Variants in CC2D1A observed in about 807,000 individuals in gnomAD.
CC2D1A encodes the protein coiled-coil and C2 domain containing 1A.
A neutral mutation model predicts 123.8 loss-of-function variants in CC2D1A; 68 were observed. The ratio of observed to expected loss-of-function variants is 0.55; its 90% CI spans 0.45 to 0.67. The LOEUF is 0.67. Among genes scored for constraint, CC2D1A ranks in the 30% least tolerant of loss-of-function variants. The pLI is 0.00. For missense variants in CC2D1A, 1,185 were observed against 1,290.3 expected (o/e 0.92, Z 1.25); for synonymous variants, 477 against 528.0 (o/e 0.90, Z 1.32).
In CC2D1A at chr19:13,918,115, G is replaced by A. The variant is rs773656208; in HGVS notation, c.794G>A (p.Arg265His). Residue 265 changes from arginine (R) to histidine (H), a missense_variant, in exon 7 of 29, where the codon CGC (arginine) becomes CAC (histidine). Coordinates refer to ENST00000318003, the MANE Select transcript of CC2D1A (RefSeq NM_017721.5). The stretch of plus-strand genomic sequence containing the variant: ...CTGGCCCAGTTGCAGAGCCGCCAGC[G>A]CGACTACAAGCTGGCTGCCCTCCAC... ...GPLAQLQSRQ[R>H]DYKLAALHAK... 3.2e-5 allele frequency: 51 copies of A among 1,612,254 alleles called. No homozygotes were observed. The highest frequency in any genetic ancestry group is 1.6e-4 in the East Asian group (7 of 44,870).
rs918671461 is a variant in CC2D1A, at chr19:13,906,960, C to T, written c.60+459C>T. Among the ~76,000 whole-genome samples the T allele has an allele frequency of 2.0e-5, 3 of 152,136 alleles. No individual in the cohort carries two copies. The highest frequency in any genetic ancestry group is 7.2e-5 in the African/African-American group (3 of 41,442). ...GTGGCTGGACCCCTTCTCACTCTCCCGACTTCTTTGCCCCAGGCACCAGAT... is the reference window on the plus strand; with the variant it reads ...GTGGCTGGACCCCTTCTCACTCTCCTGACTTCTTTGCCCCAGGCACCAGAT... On this transcript the variant is annotated intron_variant, in intron 1 of 28. Transcript: ENST00000318003. This position sits in a 1 kb window ranked among gnomAD's most constrained non-coding sequence, Gnocchi z 4.1.
intron 22 of CC2D1A, 184 bp downstream of exon 22, chr19:13,927,449 A>C: frequency 1.7e-6 from 1 of 595,828 alleles, no homozygotes; most frequent in Non-Finnish European, 3.0e-6. Context: ...ATTATGATCA[A>C]CTGGTATCTC....
At position 13,926,404 on chromosome 19, in the gene CC2D1A, C is replaced by T; in HGVS notation, c.1941-113C>T. On this transcript the variant is annotated intron_variant, in intron 17 of 28. Coordinates refer to ENST00000318003, the MANE Select transcript of CC2D1A (RefSeq NM_017721.5). ...CAGGAGCTGAGACACCCCCGAAGGC[C>T]AGGGTGGGGTTTGTTCCCTGCCCCC... 3.4e-6 allele frequency: 3 copies of T among 881,326 alleles called. No individual in the cohort carries two copies. The South Asian group carries it at 4.7e-5, about 14-fold the overall frequency. 54.6% of individuals were successfully genotyped at this position (881,326 alleles called of 1,614,324 possible). A position where few individuals can be genotyped will look rare whatever the true frequency, so the allele number is the denominator to read the frequency against.
At chr19:13,925,918 T>TA (rs34627490) in intron 17 of CC2D1A, among the ~76,000 whole-genome samples, 8,327 of 54,942 alleles carry the variant, frequency 0.15, 1,170 homozygotes, top group Non-Finnish European at 0.21. Flanking sequence ...AGACTCTGTC[T>TA]AAAAAAAAAA....
chr19:13,920,433 G>A (rs917225278), intron 12 of CC2D1A, 124 bp from the exon 13 acceptor site: 2 of 693,370 alleles, frequency 2.9e-6, no homozygotes, highest in African/African-American at 3.7e-5. Context: ...GTGAGGCAGG[G>A]GAGTAGCAAA....
chr19:13,929,951 C>G (rs1216738853), intron 26 of CC2D1A, 127 bp from the exon 27 acceptor site: 1 of 429,364 alleles, frequency 2.3e-6, no homozygotes, highest in Non-Finnish European at 3.5e-6. Context: ...GGATGGGCAC[C>G]TGGAGGGGGA....
Position 13,906,413 on chromosome 19 carries a change from G to A in CC2D1A, c.-29G>A. 6.6e-7 allele frequency: 1 copy of A among 1,504,928 alleles called. No individual in the cohort carries two copies. Among genetic ancestry groups the A allele is most frequent in the Non-Finnish European group, 8.9e-7 (1 of 1,128,142 alleles). 93.2% of individuals were successfully genotyped at this position (1,504,928 alleles called of 1,614,324 possible). ...AGGCAGGGCAAGGCCGGGCTTGGGG[G>A]CAGGTGGTCCGGGCATCCAGCCTTG... On this transcript the variant is annotated 5_prime_UTR_variant, in exon 1 of 29. Coordinates refer to ENST00000318003, the MANE Select transcript of CC2D1A (RefSeq NM_017721.5). The surrounding 1 kb of genome is among the most constrained non-coding windows in gnomAD (Gnocchi z 4.1).
chr19:13,929,242 T>C, intron 24 of CC2D1A, 137 bp from the exon 25 acceptor site: 1 of 835,914 alleles, frequency 1.2e-6, no homozygotes, highest in Non-Finnish European at 2.0e-6. Context: ...CCTGACCTCA[T>C]GATCCACTCA....
Position 13,928,113 on chromosome 19 carries a change from C to G in CC2D1A, c.2455-11C>G. The G allele has an allele frequency of 6.2e-7, 1 of 1,611,722 alleles. No homozygotes were observed. The highest frequency in any genetic ancestry group is 8.5e-7 in the Non-Finnish European group (1 of 1,179,030). On this transcript the variant is annotated splice_polypyrimidine_tract_variant and intron_variant, in intron 23 of 28. Coordinates refer to ENST00000318003, the MANE Select transcript of CC2D1A (RefSeq NM_017721.5). ...GCCCAGGACTCACAGGACTGGTTCT[C>G]TCCTCTGAAGCAGGTTGCTGGGCCC... is the stretch of plus-strand genomic sequence containing the variant.
Position 13,928,014 on chromosome 19 carries a change from C to T in CC2D1A, c.2438C>T (p.Pro813Leu), listed in dbSNP as rs764547752. The change falls in exon 23 of 29, where the codon CCG (proline) becomes CTG (leucine). Residue 813 changes from proline to leucine, a missense_variant. Pro to Leu is a moderately conservative substitution (Grantham distance 98). Coordinates refer to ENST00000318003, the MANE Select transcript of CC2D1A (RefSeq NM_017721.5). ...AGGTGGCTGGTCATTGACCCTGTGCCGGCAGCTGTGCCCACAGTGAGACCC... is the reference window on the plus strand; with the variant it reads ...AGGTGGCTGGTCATTGACCCTGTGCTGGCAGCTGTGCCCACAGTGAGACCC... ...TERWLVIDPVPAAVPTQVAGP... is the reference protein window; with the variant it reads ...TERWLVIDPVLAAVPTQVAGP... 1.4e-5 allele frequency: 22 copies of T among 1,613,472 alleles called. No homozygotes were observed. The highest frequency in any genetic ancestry group is 3.3e-5 in the Admixed American group (2 of 59,948).
At chr19:13,926,893 C>T in intron 20 of CC2D1A, 21 bp downstream of exon 20, 2 of 1,613,808 alleles carry the variant, frequency 1.2e-6, no homozygotes, top group Non-Finnish European at 1.7e-6. Context: ...GCTGGAAGCA[C>T]CCTACCCCTA....
At position 13,918,585 on chromosome 19, in the gene CC2D1A, C is replaced by T. The variant is rs1332422632; in HGVS notation, c.946+9C>T. 3.1e-6 allele frequency: 5 copies of T among 1,612,420 alleles called. No individual in the cohort carries two copies. Among genetic ancestry groups the T allele is most frequent in the Non-Finnish European group, 4.2e-6 (5 of 1,179,512 alleles). ...CCTGCCCCCTCCACCCGGTGAGAACCCTGCCATGCCCACTCTCTGGGATGG... is the reference window on the plus strand; with the variant it reads ...CCTGCCCCCTCCACCCGGTGAGAACTCTGCCATGCCCACTCTCTGGGATGG... On this transcript the variant is annotated intron_variant, in intron 8 of 28. Coordinates refer to ENST00000318003, the MANE Select transcript of CC2D1A (RefSeq NM_017721.5).
At chr19:13,911,263 G>A (rs1970985926) in intron 2 of CC2D1A, among the ~76,000 whole-genome samples, 1 of 152,166 alleles carries the variant, frequency 6.6e-6, no homozygotes, top group African/African-American at 2.4e-5. Context: ...AGGAACCTAA[G>A]CTTAAATTTC....
intron 7 of CC2D1A, 69 bp from the exon 8 acceptor site, chr19:13,918,435 C>G (rs577022787): frequency 1.4e-6 from 2 of 1,468,880 alleles, no homozygotes; most frequent in Non-Finnish European, 1.9e-6. Context: ...TGGAAGGGCC[C>G]GGAGGCTCCC....
chr19:13,909,803 A>G lies in CC2D1A; in HGVS notation c.61-20A>G. Reference sequence around the variant, plus strand: ...ATGTGGTGAACCAAAGGTCTGACTGAACCCTTGCTGTTCCCCTAGCTGGGC... The same window carrying G: ...ATGTGGTGAACCAAAGGTCTGACTGGACCCTTGCTGTTCCCCTAGCTGGGC... On this transcript the variant is annotated intron_variant, in intron 1 of 28. Coordinates refer to ENST00000318003, the MANE Select transcript of CC2D1A (RefSeq NM_017721.5). The G allele has an allele frequency of 6.2e-7, 1 of 1,600,050 alleles. No homozygotes were observed. Among genetic ancestry groups the G allele is most frequent in the African/African-American group, 1.3e-5 (1 of 74,748 alleles).
chr19:13,911,747 G>A (rs1258893807), intron 2 of CC2D1A, among the ~76,000 whole-genome samples: 3 of 124,622 alleles, frequency 2.4e-5, no homozygotes, highest in Admixed American at 1.1e-4. Flanking sequence ...ACGGAGTCTC[G>A]CTCTGTCGCC....
Position 13,919,799 on chromosome 19 carries a change from G to C in CC2D1A, c.1223-19G>C. On this transcript the variant is annotated intron_variant, in intron 11 of 28. Coordinates refer to ENST00000318003, the MANE Select transcript of CC2D1A (RefSeq NM_017721.5). ...CTCCATCCTGACACACAATAACCAG[G>C]CCTCGACTGGCCACCCAGGCTTCCC... 1 of 1,586,458 alleles carries C rather than the reference G, an allele frequency of 6.3e-7. No homozygotes were observed. The highest frequency in any genetic ancestry group is 8.6e-7 in the Non-Finnish European group (1 of 1,162,636).
rs1318690150 is a variant in CC2D1A at position 13,918,788 on chromosome 19, C to G, written c.989C>G (p.Pro330Arg). ...PDPPSPPSQP[P>R]TPATAPSTTE... Reference sequence around the variant, plus strand: ...CCACCGTCACCACCGTCGCAGCCTCCGACCCCCGCTACGGCGCCCTCCACA... The same window carrying G: ...CCACCGTCACCACCGTCGCAGCCTCGGACCCCCGCTACGGCGCCCTCCACA... Residue 330 changes from proline to arginine, a missense_variant, in exon 9 of 29, where the codon CCG (proline) becomes CGG (arginine). Coordinates refer to ENST00000318003, the MANE Select transcript of CC2D1A (RefSeq NM_017721.5). The G allele has an allele frequency of 1.2e-6, 2 of 1,613,398 alleles. No homozygotes were observed. The highest frequency in any genetic ancestry group is 1.7e-6 in the Non-Finnish European group (2 of 1,179,716).
At chr19:13,912,147 G>A (rs1189443475) in intron 2 of CC2D1A, among the ~76,000 whole-genome samples, 176 bp from the exon 3 acceptor site, 2 of 152,126 alleles carry the variant, frequency 1.3e-5, no homozygotes, top group African/African-American at 2.4e-5. Context: ...CACTGTGCCC[G>A]GTCTGCAGAG....
Sources: gnomAD v4.1 joint callset for allele counts (sites outside exome capture counted in the v4.1 genomes callset) on GRCh38, gnomAD v4.1.1 for gene constraint, Gnocchi (gnomAD v3.1) non-coding constraint, MANE v1.5 for transcripts, NCBI Gene and HGNC (gene_info 2026-07-23, HGNC 2026-07-21) for gene names.